WDR20: variants seen among roughly 807,000 people sequenced by gnomAD.
The protein encoded by WDR20 is WD repeat-containing protein 20.
In WDR20, 3 loss-of-function variants were observed where a neutral mutation model predicts 38.7. The ratio of observed to expected loss-of-function variants is 0.08; its 90% CI spans 0.04 to 0.20. The LOEUF (loss-of-function observed/expected upper bound fraction) is 0.20, where lower values mean the gene tolerates loss of function less well. Among genes scored for constraint, WDR20 ranks in the 10% least tolerant of loss-of-function variants. The probability of loss-of-function intolerance (pLI) is 1.00; values close to 1 mark genes in which losing one functional copy is unlikely to be tolerated. For synonymous variants in WDR20, 298 were observed against 285.6 expected, an observed-to-expected ratio of 1.04 and a Z score of -0.44; for missense variants, 559 against 727.7, an observed-to-expected ratio of 0.77 and a Z score of 2.67.
downstream of WDR20, chr14:102,214,049 G>T (rs1455346458): frequency 1.0e-6 from 1 of 985,494 alleles, no homozygotes; most frequent in Non-Finnish European, 1.2e-6. Flanking sequence ...GTGGATGGGG[G>T]AGGGACTGGC....
chr14:102,178,197 G>A (rs1032238129), intron 1 of WDR20, among the ~76,000 whole-genome samples: 1 of 151,970 alleles, frequency 6.6e-6, no homozygotes, highest in Admixed American at 6.6e-5. Flanking sequence ...TTCGAGACTA[G>A]TCTGGCTAAC....
intron 1 of WDR20, among the ~76,000 whole-genome samples, chr14:102,164,056 C>T (rs976891208): frequency 2.0e-5 from 3 of 152,122 alleles, no homozygotes; most frequent in Non-Finnish European, 4.4e-5. Context: ...AGCAGTCTGA[C>T]TTTGCCAGGG....
At chr14:102,155,066 A>G (rs1332536830) in intron 1 of WDR20, among the ~76,000 whole-genome samples, 1 of 152,198 alleles carries the variant, frequency 6.6e-6, no homozygotes, top group East Asian at 1.9e-4. Context: ...GAGCCTTTTT[A>G]GAGGTTGAGA....
chr14:102,164,210 C>T (rs2059330566), intron 1 of WDR20, among the ~76,000 whole-genome samples: 1 of 152,122 alleles, frequency 6.6e-6, no homozygotes, highest in Non-Finnish European at 1.5e-5. Flanking sequence ...AGACTCATGA[C>T]ACCTTTCTCT....
intron 1 of WDR20, among the ~76,000 whole-genome samples, chr14:102,192,675 C>G (rs2058709396): frequency 6.6e-6 from 1 of 152,294 alleles, no homozygotes; most frequent in East Asian, 1.9e-4. Context: ...TTTACTTCCT[C>G]TGTTGTTTCT....
chr14:102,186,196 C>T (rs1475573568), intron 1 of WDR20, among the ~76,000 whole-genome samples: 1 of 152,184 alleles, frequency 6.6e-6, no homozygotes, highest in African/African-American at 2.4e-5. Context: ...GCTGTAACTA[C>T]TGAATTGAAG....
intron 1 of WDR20, among the ~76,000 whole-genome samples, chr14:102,180,208 A>G (rs1332669524): frequency 6.6e-6 from 1 of 152,204 alleles, no homozygotes; most frequent in Non-Finnish European, 1.5e-5. Context: ...TCCAGGTATG[A>G]TTCTGATCAC....
In WDR20 at chr14:102,210,371, ATTTAAC is replaced by A. The variant is rs1315679150; in HGVS notation, c.*496_*501del. ...CATAAAATGTTTAGGAATCTATGAAATTTAACTTTAGGAACAAAACGTTTAGCAGGG... is the reference window on the plus strand; with the variant it reads ...CATAAAATGTTTAGGAATCTATGAAATTTAGGAACAAAACGTTTAGCAGGG... On this transcript the variant is annotated 3_prime_UTR_variant, in exon 3 of 3. Coordinates refer to ENST00000342702, the MANE Select transcript of WDR20 (RefSeq NM_144574.4). 3.0e-6 allele frequency: 3 copies of A among 985,654 alleles called. No individual in the cohort carries two copies. Among genetic ancestry groups the A allele is most frequent in the Admixed American group, 6.1e-5 (1 of 16,282 alleles). 61.1% of individuals were successfully genotyped at this position (985,654 alleles called of 1,614,324 possible).
At chr14:102,154,332 G>C (rs2056866366) in intron 1 of WDR20, among the ~76,000 whole-genome samples, 2 of 152,272 alleles carry the variant, frequency 1.3e-5, no homozygotes, top group South Asian at 2.1e-4. Context: ...TCATTATCTG[G>C]TGAGGGCTCT....
intron 1 of WDR20, among the ~76,000 whole-genome samples, chr14:102,180,026 G>A (rs1201675493): frequency 6.6e-6 from 1 of 152,080 alleles, no homozygotes; most frequent in East Asian, 1.9e-4. Flanking sequence ...GGTGGCAGGC[G>A]CTTGTAATCC....
intron 2 of WDR20, among the ~76,000 whole-genome samples, chr14:102,203,240 T>C (rs1186625819): frequency 2.6e-5 from 4 of 152,238 alleles, no homozygotes; most frequent in African/African-American, 4.8e-5. Flanking sequence ...GTTTAAATTT[T>C]CTAATTACCA....
intron 1 of WDR20, among the ~76,000 whole-genome samples, chr14:102,144,102 G>A (rs1248776210): frequency 3.3e-5 from 5 of 151,966 alleles, no homozygotes; most frequent in African/African-American, 4.8e-5. Flanking sequence ...CTCTTGAGCC[G>A]AAGAGTTAAG....
chr14:102,169,610 C>T (rs1219691507), intron 1 of WDR20, among the ~76,000 whole-genome samples: 1 of 152,124 alleles, frequency 6.6e-6, no homozygotes, highest in African/African-American at 2.4e-5. Context: ...TCACTGCAAG[C>T]TCTGCCTCCC....
At chr14:102,190,341 C>T (rs1297597966) in intron 1 of WDR20, among the ~76,000 whole-genome samples, 1 of 152,054 alleles carries the variant, frequency 6.6e-6, no homozygotes, top group East Asian at 1.9e-4. Context: ...AGGTGGATCA[C>T]CTGAGGTCAG....
chr14:102,202,868 GT>G (rs1275383906), intron 2 of WDR20, among the ~76,000 whole-genome samples: 1 of 152,188 alleles, frequency 6.6e-6, no homozygotes, highest in Non-Finnish European at 1.5e-5. Context: ...ATCTTAGGAT[GT>G]TACTATTCGC....
At chr14:102,155,937 A>G (rs1398452301) in intron 1 of WDR20, among the ~76,000 whole-genome samples, 1 of 133,290 alleles carries the variant, frequency 7.5e-6, no homozygotes, top group Non-Finnish European at 1.6e-5. Flanking sequence ...CTAATTTTTA[A>G]TTTTTTTTTT....
rs747298783 is a variant in WDR20 at position 102,140,109 on chromosome 14, C to T, written c.186C>T (p.Gly62=). ...FVNLNDQSGN[G]DRLCFNVGRE... ...ACCTCAACGACCAGTCTGGCAACGG[C>T]GACCGCCTCTGCTTCAATGTGGGCC... Residue 62 remains glycine (G), a synonymous_variant, in exon 1 of 3, where the codon GGC becomes GGT. Transcript: ENST00000342702. 5.0e-6 allele frequency: 8 copies of T among 1,613,930 alleles called. No homozygotes were observed. Among genetic ancestry groups the T allele is most frequent in the Non-Finnish European group, 5.1e-6 (6 of 1,180,006 alleles).
intron 1 of WDR20, among the ~76,000 whole-genome samples, chr14:102,145,737 C>T (rs2053364384): frequency 6.6e-6 from 1 of 151,874 alleles, no homozygotes; most frequent in African/African-American, 2.4e-5. Flanking sequence ...TGCCACTGCA[C>T]TCCAGCCCGG....
upstream of WDR20, chr14:102,139,585 G>A (rs1021796174): frequency 1.4e-6 from 1 of 703,836 alleles, no homozygotes; most frequent in Non-Finnish European, 2.3e-6. Flanking sequence ...CCCCCTGACC[G>A]GCTTTCCGCT....
Sources: gnomAD v4.1 joint callset for allele counts (sites outside exome capture counted in the v4.1 genomes callset) on GRCh38, gnomAD v4.1.1 for gene constraint, MANE v1.5 for transcripts, NCBI Gene and HGNC (gene_info 2026-07-23, HGNC 2026-07-21) for gene names.